Variants in TMEM163 observed in about 807,000 individuals in gnomAD.
TMEM163 encodes the protein transmembrane protein 163.
A neutral mutation model predicts 29.3 loss-of-function variants in TMEM163; 17 were observed. The observed-to-expected ratio is 0.58, with a 90% confidence interval of 0.40 to 0.87. TMEM163 has a LOEUF of 0.87. Ranked by LOEUF, TMEM163 falls within the 40% of genes least tolerant of loss-of-function variation. The pLI, the probability that TMEM163 is intolerant of heterozygous loss-of-function variation, is 0.00. For synonymous variants in TMEM163, 157 were observed against 160.6 expected (o/e 0.98, Z 0.17); for missense variants, 303 against 381.5 (o/e 0.79, Z 1.71).
chr2:134,494,357 T>G (rs1208106413), intron 5 of TMEM163, among the ~76,000 whole-genome samples: 1 of 152,216 alleles, frequency 6.6e-6, no homozygotes, highest in Non-Finnish European at 1.5e-5. Context: ...CCACATATGA[T>G]TGTTTTTAAA....
At position 134,718,716 on chromosome 2, in the gene TMEM163, C is replaced by G; in HGVS notation, c.202+18G>C. ...CAGCCACCCCGGTCGCCGGCCGGGT[C>G]GGGCAGCTCGCGCTCACCTCGGTCC... is the stretch of plus-strand genomic sequence containing the variant. On this transcript the variant is annotated intron_variant, in intron 1 of 7. Coordinates refer to ENST00000281924, the MANE Select transcript of TMEM163 (RefSeq NM_030923.5). The G allele has an allele frequency of 2.6e-6, 3 of 1,145,490 alleles. No individual in the cohort carries two copies. The highest frequency in any genetic ancestry group is 3.2e-6 in the Non-Finnish European group (3 of 932,496). 71.0% of individuals were successfully genotyped at this position (1,145,490 alleles called of 1,614,324 possible).
At chr2:134,571,438 A>C (rs1478815400) in intron 2 of TMEM163, among the ~76,000 whole-genome samples, 1 of 152,186 alleles carries the variant, frequency 6.6e-6, no homozygotes, top group Admixed American at 6.5e-5. Flanking sequence ...AAGGGGAACA[A>C]ACACCTGAAA....
intron 2 of TMEM163, among the ~76,000 whole-genome samples, chr2:134,641,629 A>G (rs1683221650): frequency 6.6e-6 from 1 of 152,226 alleles, no homozygotes. Context: ...CAATAATTAA[A>G]TTAAAATGGA....
rs139148589 is a variant in TMEM163, at chr2:134,644,250, T to C, written c.322+68950A>G. Among the ~76,000 whole-genome samples, 612 of 152,176 alleles carry C rather than the reference T, an allele frequency of 4.0e-3. 7 individuals are homozygous for C. Among genetic ancestry groups the C allele is most frequent in the African/African-American group, 0.014 (576 of 41,550 alleles). ...TCCAGAGAGATTTTTTTTCTAGATATAGAGGAGTTGATTCTAAAATTCTTA... is the reference window on the plus strand; with the variant it reads ...TCCAGAGAGATTTTTTTTCTAGATACAGAGGAGTTGATTCTAAAATTCTTA... On this transcript the variant is annotated intron_variant, in intron 2 of 7. Coordinates refer to ENST00000281924, the MANE Select transcript of TMEM163 (RefSeq NM_030923.5).
At chr2:134,652,939 T>C (rs1305823488) in intron 2 of TMEM163, among the ~76,000 whole-genome samples, 1 of 83,062 alleles carries the variant, frequency 1.2e-5, no homozygotes, top group Non-Finnish European at 2.4e-5. Context: ...GCTGCTGGAT[T>C]CGTTTTGCCA....
intron 2 of TMEM163, among the ~76,000 whole-genome samples, chr2:134,665,316 T>C (rs997240866): frequency 3.3e-5 from 5 of 152,122 alleles, no homozygotes; most frequent in Admixed American, 3.3e-4. Flanking sequence ...AGGCATGTCT[T>C]ACATAGTGGC....
chr2:134,662,125 C>T (rs184695578), intron 2 of TMEM163, among the ~76,000 whole-genome samples: 63 of 151,652 alleles, frequency 4.2e-4, no homozygotes, highest in Admixed American at 3.9e-3. Context: ...TTAGTAGAGT[C>T]GGGGTTTCAC....
At chr2:134,474,750 T>C (rs1207782824) in intron 5 of TMEM163, among the ~76,000 whole-genome samples, 1 of 152,138 alleles carries the variant, frequency 6.6e-6, no homozygotes, top group Non-Finnish European at 1.5e-5. Context: ...TTTTTGGAAA[T>C]ACTATTTAAA....
At chr2:134,547,039 AG>A (rs1401093363) in intron 4 of TMEM163, among the ~76,000 whole-genome samples, 1 of 152,148 alleles carries the variant, frequency 6.6e-6, no homozygotes, top group Non-Finnish European at 1.5e-5. Context: ...ACTAGGGGAC[AG>A]GGGAAAATGG....
intron 2 of TMEM163, among the ~76,000 whole-genome samples, chr2:134,706,220 G>T (rs949942309): frequency 3.9e-5 from 6 of 152,204 alleles, no homozygotes; most frequent in African/African-American, 1.4e-4. Context: ...CAGCATGGAG[G>T]AGGGGTGAGA....
intron 2 of TMEM163, among the ~76,000 whole-genome samples, chr2:134,710,752 G>A (rs1684908732): frequency 6.6e-6 from 1 of 151,970 alleles, no homozygotes; most frequent in Middle Eastern, 3.4e-3. Flanking sequence ...CCATCCAACA[G>A]TAGCAAGAAG....
intron 4 of TMEM163, among the ~76,000 whole-genome samples, chr2:134,507,080 T>TG (rs1679840777): frequency 6.6e-6 from 1 of 152,144 alleles, no homozygotes; most frequent in Admixed American, 6.5e-5. Flanking sequence ...CTCACGCCTG[T>TG]AATCCCAGGA....
chr2:134,602,329 A>G (rs1052462921), intron 2 of TMEM163, among the ~76,000 whole-genome samples: 8 of 151,950 alleles, frequency 5.3e-5, no homozygotes, highest in South Asian at 2.1e-4. Flanking sequence ...CTGACCATAA[A>G]CCCTCCCGCA....
At chr2:134,693,608 C>CAAAAAAAAAAAAAAAAAA in intron 2 of TMEM163, among the ~76,000 whole-genome samples, 1 of 66,632 alleles carries the variant, frequency 1.5e-5, no homozygotes, top group Non-Finnish European at 4.1e-5. Context: ...AAAACTACAT[C>CAAAAAAAAAAAAAAAAAA]AAAAAAAAAA....
chr2:134,680,698 C>T (rs1442022655), intron 2 of TMEM163, among the ~76,000 whole-genome samples: 2 of 152,102 alleles, frequency 1.3e-5, no homozygotes, highest in African/African-American at 4.8e-5. Flanking sequence ...TAGGGACGGC[C>T]CCCATCCCTG....
At chr2:134,648,865 C>G (rs1683399968) in intron 2 of TMEM163, among the ~76,000 whole-genome samples, 1 of 152,178 alleles carries the variant, frequency 6.6e-6, no homozygotes, top group African/African-American at 2.4e-5. Context: ...AAATGATTCG[C>G]TTCAACCAGA....
intron 5 of TMEM163, among the ~76,000 whole-genome samples, chr2:134,498,057 CCTAA>C (rs1490824807): frequency 3.9e-5 from 6 of 152,334 alleles, no homozygotes; most frequent in Admixed American, 1.3e-4. Context: ...TGCCGATTCT[CCTAA>C]CTAACTGTTC....
rs1016209094 is a variant in TMEM163, at chr2:134,537,784, G to A, written c.458+12786C>T. Among the ~76,000 whole-genome samples, 19 of 152,332 alleles carry A rather than the reference G, an allele frequency of 1.2e-4. No individual in the cohort carries two copies. In the East Asian group the frequency reaches 3.7e-3, roughly 29 times the overall value. On this transcript the variant is annotated intron_variant, in intron 4 of 7. Coordinates refer to ENST00000281924, the MANE Select transcript of TMEM163 (RefSeq NM_030923.5). ...GAGCCCACAAGCCAGACTGTGCAGA[G>A]TGGTAAAGAGGCCAGTAGAACAAAC...
At chr2:134,600,454 A>G (rs1472797367) in intron 2 of TMEM163, among the ~76,000 whole-genome samples, 1 of 152,200 alleles carries the variant, frequency 6.6e-6, no homozygotes, top group Non-Finnish European at 1.5e-5. Flanking sequence ...CACATACACA[A>G]AATCAGTAAA....
Sources: gnomAD v4.1 joint callset for allele counts (sites outside exome capture counted in the v4.1 genomes callset) on GRCh38, gnomAD v4.1.1 for gene constraint, MANE v1.5 for transcripts, NCBI Gene and HGNC (gene_info 2026-07-23, HGNC 2026-07-21) for gene names.